The following SH2D4B variants were observed in gnomAD, a reference collection of about 807,000 sequenced individuals.
The protein encoded by SH2D4B is SH2 domain containing 4B, also known as SH2 domain-containing protein 4B.
In SH2D4B, 45 loss-of-function variants were observed where a neutral mutation model predicts 61.5. The observed-to-expected ratio is 0.73, with a 90% CI of 0.58 to 0.94. SH2D4B has a LOEUF of 0.94. Among genes scored for constraint, SH2D4B ranks in the 40% least tolerant of loss-of-function variants. The pLI, the probability that SH2D4B is intolerant of heterozygous loss-of-function variation, is 0.00. For synonymous variants in SH2D4B, 224 were observed against 220.4 expected (o/e 1.02, Z -0.14); for missense variants, 572 against 574.2 (o/e 1.00, Z 0.04).
Position 80,543,237 on chromosome 10 carries a change from C to T in SH2D4B, c.184+4722C>T, listed in dbSNP as rs569004143. 6.6e-4 allele frequency among the ~76,000 whole-genome samples: 101 copies of T among 152,238 alleles called. 1 individual carries two copies. The highest frequency in any genetic ancestry group is 5.6e-3 in the Admixed American group (85 of 15,306). On this transcript the variant is annotated intron_variant, in intron 1 of 7. Transcript: ENST00000646907. ...TTTCTGGGCTGGCCAAGGCCGGAGCCGGCTCCCTCAGCTTGCAGGGAGGTG... is the reference window on the plus strand; with the variant it reads ...TTTCTGGGCTGGCCAAGGCCGGAGCTGGCTCCCTCAGCTTGCAGGGAGGTG...
At chr10:80,632,423 G>A (rs1006566448) in intron 6 of SH2D4B, among the ~76,000 whole-genome samples, 2 of 151,982 alleles carry the variant, frequency 1.3e-5, no homozygotes, top group African/African-American at 2.4e-5. Context: ...AGTAATAAAC[G>A]TTACAATAAA....
At position 80,644,192 on chromosome 10, in the gene SH2D4B, A is replaced by C. The variant is rs1351017522; in HGVS notation, c.*107A>C. ...CCTTCTGGAAGATCCACCACTATCCAAAGGAAAAAGTAGATTAATATGCCT... is the reference window on the plus strand; with the variant it reads ...CCTTCTGGAAGATCCACCACTATCCCAAGGAAAAAGTAGATTAATATGCCT... On this transcript the variant is annotated 3_prime_UTR_variant, in exon 8 of 8. Transcript: ENST00000646907. 2 of 849,072 alleles carry C rather than the reference A, an allele frequency of 2.4e-6. No homozygotes were observed. The highest frequency in any genetic ancestry group is 3.4e-5 in the African/African-American group (2 of 58,742). 52.6% of individuals were successfully genotyped at this position (849,072 alleles called of 1,614,324 possible).
rs189342874 is a variant in SH2D4B, at chr10:80,542,083, C to T, written c.184+3568C>T. Among the ~76,000 whole-genome samples the T allele has an allele frequency of 3.9e-5, 6 of 152,208 alleles. No individual in the cohort carries two copies. The East Asian group carries it at 7.7e-4, about 20-fold the overall frequency. On this transcript the variant is annotated intron_variant, in intron 1 of 7. Coordinates refer to ENST00000646907, the MANE Select transcript of SH2D4B (RefSeq NM_001388272.1). The stretch of plus-strand genomic sequence containing the variant: ...CACGTTTCTGACAAAGTTCGTTGTC[C>T]AGTATATTGAGTATATTGAGACTCA...
intron 7 of SH2D4B, among the ~76,000 whole-genome samples, chr10:80,636,242 G>T (rs187729735): frequency 1.2e-4 from 19 of 152,264 alleles, no homozygotes; most frequent in African/African-American, 4.3e-4. Flanking sequence ...ATTGTGAATA[G>T]TGCTGCAATA....
intron 4 of SH2D4B, among the ~76,000 whole-genome samples, chr10:80,590,446 G>C (rs192161065): frequency 3.9e-5 from 6 of 152,148 alleles, no homozygotes; most frequent in Non-Finnish European, 7.4e-5. Flanking sequence ...AATCAGAAAG[G>C]CCTCAGATGT....
chr10:80,548,686 C>T (rs758467506), intron 1 of SH2D4B, among the ~76,000 whole-genome samples: 3 of 152,214 alleles, frequency 2.0e-5, no homozygotes, highest in African/African-American at 4.8e-5. Context: ...TACCTAAGAG[C>T]CAGGTCATGC....
intron 6 of SH2D4B, among the ~76,000 whole-genome samples, chr10:80,615,122 C>T (rs963454283): frequency 3.3e-5 from 5 of 152,220 alleles, no homozygotes; most frequent in Non-Finnish European, 7.3e-5. Flanking sequence ...AGGGAGGTCT[C>T]CTGTCTGAGC....
intron 3 of SH2D4B, among the ~76,000 whole-genome samples, chr10:80,574,246 C>A (rs535876948): frequency 7.8e-4 from 119 of 152,316 alleles, no homozygotes; most frequent in Middle Eastern, 3.4e-3. Flanking sequence ...AAGTGATCCT[C>A]CCTCCTCAGC....
intron 7 of SH2D4B, among the ~76,000 whole-genome samples, chr10:80,638,019 C>T (rs1397695554): frequency 6.6e-6 from 1 of 152,140 alleles, no homozygotes; most frequent in African/African-American, 2.4e-5. Context: ...TTGTCAAAGG[C>T]CTTTTCTGCA....
At chr10:80,595,792 C>T (rs1314064323) in intron 4 of SH2D4B, among the ~76,000 whole-genome samples, 1 of 152,210 alleles carries the variant, frequency 6.6e-6, no homozygotes, top group Non-Finnish European at 1.5e-5. Flanking sequence ...TCAATCCCTC[C>T]TTAATAGCGT....
chr10:80,636,725 A>G (rs986561868), intron 7 of SH2D4B, among the ~76,000 whole-genome samples: 2 of 152,080 alleles, frequency 1.3e-5, no homozygotes, highest in Non-Finnish European at 2.9e-5. Flanking sequence ...GTAGATTGCA[A>G]AAATTTTCTC....
rs530897034 is a variant in SH2D4B, at chr10:80,568,391, G to A, written c.185-1763G>A. Among the ~76,000 whole-genome samples, 10 of 152,288 alleles carry A rather than the reference G, an allele frequency of 6.6e-5. 1 individual carries two copies. In the South Asian group the frequency reaches 2.1e-3, roughly 32 times the overall value. Reference sequence around the variant, plus strand: ...GCAGTCCAGGGAAAGCAATCTTTCGGCAAGGAGGTGGGTGTCTCCTGGGAA... The same window carrying A: ...GCAGTCCAGGGAAAGCAATCTTTCGACAAGGAGGTGGGTGTCTCCTGGGAA... On this transcript the variant is annotated intron_variant, in intron 1 of 7. Transcript: ENST00000646907.
intron 1 of SH2D4B, among the ~76,000 whole-genome samples, chr10:80,563,070 T>C (rs992511779): frequency 5.3e-5 from 8 of 151,268 alleles, no homozygotes; most frequent in African/African-American, 2.4e-5. Flanking sequence ...CCCGGCTAAT[T>C]TTTTGTATTT....
At chr10:80,600,942 G>A (rs1842445851) in intron 4 of SH2D4B, among the ~76,000 whole-genome samples, 1 of 152,134 alleles carries the variant, frequency 6.6e-6, no homozygotes. Context: ...GCCCATCCCG[G>A]GGCATCCTGA....
chr10:80,540,794 G>T, intron 1 of SH2D4B: 1 of 1,544,618 alleles, frequency 6.5e-7, no homozygotes, highest in South Asian at 1.2e-5. Context: ...CAGCCAACTC[G>T]AGTGCCAAGG....
At chr10:80,625,544 AT>A (rs1350900071) in intron 6 of SH2D4B, among the ~76,000 whole-genome samples, 1 of 143,864 alleles carries the variant, frequency 7.0e-6, no homozygotes, top group African/African-American at 2.6e-5. Flanking sequence ...TTTTTTATTC[AT>A]TTTTGGTTTT....
At chr10:80,610,986 CATG>C (rs1329533338) in intron 6 of SH2D4B, among the ~76,000 whole-genome samples, 2 of 151,842 alleles carry the variant, frequency 1.3e-5, no homozygotes, top group African/African-American at 2.4e-5. Flanking sequence ...GCCTGGCCAA[CATG>C]ATGAAAGCTT....
chr10:80,592,671 A>G (rs533353686), intron 4 of SH2D4B, among the ~76,000 whole-genome samples: 120 of 151,038 alleles, frequency 7.9e-4, no homozygotes, highest in African/African-American at 2.8e-3. Context: ...TTGAAAATCA[A>G]TTCACCAAAA....
At chr10:80,623,197 G>A (rs558026233) in intron 6 of SH2D4B, among the ~76,000 whole-genome samples, 1 of 152,386 alleles carries the variant, frequency 6.6e-6, no homozygotes, top group East Asian at 1.9e-4. Context: ...TTACAGGCGT[G>A]AGCCGCCGTG....
Sources: allele counts gnomAD v4.1 joint callset (sites outside exome capture counted in the v4.1 genomes callset), GRCh38; gene constraint gnomAD v4.1.1; transcripts MANE v1.5; gene names NCBI Gene and HGNC (gene_info 2026-07-23, HGNC 2026-07-21).